The following DRC9 variants were observed in gnomAD, a reference collection of about 807,000 sequenced individuals.
DRC9 encodes dynein regulatory complex protein 9.
At chr3:197,926,111 A>G in the DRC9 span, 1 of 1,447,476 alleles carries the variant, frequency 6.9e-7, no homozygotes, top group Non-Finnish European at 9.7e-7. Flanking sequence ...CCTCCCTAGA[A>G]GATATAAGAA....
the DRC9 span, among the ~76,000 whole-genome samples, chr3:197,898,309 T>C: frequency 6.6e-6 from 1 of 152,232 alleles, no homozygotes; most frequent in African/African-American, 2.4e-5. Flanking sequence ...GTAAGCATTA[T>C]ATATCAGATC....
At chr3:197,913,602 G>A in the DRC9 span, 1 of 568,800 alleles carries the variant, frequency 1.8e-6, no homozygotes, top group East Asian at 3.0e-5. Context: ...GAAAAATGGT[G>A]ATTGGTTTGC....
chr3:197,931,070 A>G, the DRC9 span, among the ~76,000 whole-genome samples: 31 of 151,766 alleles, frequency 2.0e-4, no homozygotes, highest in South Asian at 6.4e-3. Flanking sequence ...AGAAAGAAAG[A>G]GTTGGAAGAC....
the DRC9 span, among the ~76,000 whole-genome samples, chr3:197,952,162 G>GTTTTTTTTTT: frequency 1.9e-4 from 16 of 83,888 alleles, 1 homozygote; most frequent in African/African-American, 7.7e-4. Flanking sequence ...AAAATTATGG[G>GTTTTTTTTTT]TTTTTTTTTT....
the DRC9 span, among the ~76,000 whole-genome samples, chr3:197,921,679 G>A: frequency 1.3e-5 from 2 of 150,922 alleles, no homozygotes; most frequent in African/African-American, 4.9e-5. Flanking sequence ...CATCTTGGTC[G>A]ACCCGACTAC....
At chr3:197,897,209 A>G in the DRC9 span, among the ~76,000 whole-genome samples, 536 of 152,308 alleles carry the variant, frequency 3.5e-3, 4 homozygotes, top group African/African-American at 0.012. Context: ...GAAATGGATT[A>G]TCTTCTAGGA....
At chr3:197,936,797 C>T in the DRC9 span, among the ~76,000 whole-genome samples, 20 of 152,100 alleles carry the variant, frequency 1.3e-4, no homozygotes, top group South Asian at 2.1e-4. Flanking sequence ...CAAATAATTG[C>T]GACTGGTATT....
At chr3:197,919,217 G>A in the DRC9 span, among the ~76,000 whole-genome samples, 1 of 152,160 alleles carries the variant, frequency 6.6e-6, no homozygotes, top group Admixed American at 6.5e-5. Context: ...TTCCTGGATT[G>A]GTATTTTGCA....
At chr3:197,896,401 G>A in the DRC9 span, among the ~76,000 whole-genome samples, 1 of 151,996 alleles carries the variant, frequency 6.6e-6, no homozygotes, top group African/African-American at 2.4e-5. Context: ...TATGAGAATG[G>A]CATGCAAATA....
At chr3:197,946,063 C>G in the DRC9 span, among the ~76,000 whole-genome samples, 2 of 152,168 alleles carry the variant, frequency 1.3e-5, no homozygotes, top group Admixed American at 6.5e-5. Context: ...TTAGGTCACT[C>G]AATTCATCTT....
the DRC9 span, among the ~76,000 whole-genome samples, chr3:197,928,775 G>A: frequency 2.6e-5 from 4 of 152,152 alleles, no homozygotes; most frequent in Non-Finnish European, 4.4e-5. Context: ...AATTAAAGAA[G>A]ATATAAAGCA....
chr3:197,952,345 T>C, the DRC9 span, among the ~76,000 whole-genome samples: 1 of 151,792 alleles, frequency 6.6e-6, no homozygotes, highest in African/African-American at 2.4e-5. Context: ...AATTTTTGTA[T>C]ATTTAGTAGA....
At chr3:197,912,796 A>T in the DRC9 span, 6 of 1,484,228 alleles carry the variant, frequency 4.0e-6, no homozygotes, top group East Asian at 9.0e-5. Context: ...CAGGGCTGGG[A>T]ATCAGAAGTT....
the DRC9 span, among the ~76,000 whole-genome samples, chr3:197,898,264 T>C: frequency 4.2e-3 from 636 of 152,274 alleles, 8 homozygotes; most frequent in Middle Eastern, 6.8e-3. Flanking sequence ...AATAACAAAT[T>C]ATAAACTAAA....
the DRC9 span, among the ~76,000 whole-genome samples, chr3:197,890,137 G>A: frequency 1.3e-5 from 2 of 152,174 alleles, no homozygotes; most frequent in Non-Finnish European, 2.9e-5. Flanking sequence ...GCTCATGCCT[G>A]TAGTCCCAGC....
At chr3:197,894,416 TTAA>T in the DRC9 span, 1 of 152,146 alleles carries the variant, frequency 6.6e-6, no homozygotes, top group African/African-American at 2.4e-5. Flanking sequence ...TCTCTTTGCC[TTAA>T]TAAAGGCAAA....
At chr3:197,958,202 G>A in the DRC9 span, 1 of 152,252 alleles carries the variant, frequency 6.6e-6, no homozygotes, top group African/African-American at 2.4e-5. Flanking sequence ...AGAGAATCTG[G>A]TGCATGCCAG....
At chr3:197,895,258 T>C in the DRC9 span, among the ~76,000 whole-genome samples, 1 of 152,156 alleles carries the variant, frequency 6.6e-6, no homozygotes, top group East Asian at 1.9e-4. Context: ...TGCAATTCTA[T>C]TTACATTATT....
chr3:197,944,956 T>A, the DRC9 span, among the ~76,000 whole-genome samples: 2 of 152,338 alleles, frequency 1.3e-5, no homozygotes, highest in South Asian at 2.1e-4. Flanking sequence ...AAATTAACTT[T>A]TTTTTCCCTA....
Sources: gnomAD v4.1 joint callset for allele counts (sites outside exome capture counted in the v4.1 genomes callset) on GRCh38, gnomAD v4.1.1 for gene constraint, MANE v1.5 for transcripts, NCBI Gene and HGNC (gene_info 2026-07-23, HGNC 2026-07-21) for gene names.